ATP5F1B: variants seen among roughly 807,000 people sequenced by gnomAD.
ATP5F1B encodes the protein ATP synthase F1 subunit beta.
ATP5F1B carries 17 observed loss-of-function variants against 45.9 expected under a neutral mutation model. That is an observed-to-expected ratio of 0.37 (90% CI 0.25 to 0.56). The LOEUF is 0.56. ATP5F1B is among the 20% of genes least tolerant of loss of function. ATP5F1B has a pLI of 0.80. For synonymous variants in ATP5F1B, 218 were observed against 256.5 expected (o/e 0.85, Z 1.43); for missense variants, 387 against 673.2 (o/e 0.57, Z 4.70).
Position 56,640,041 on chromosome 12 carries a change from T to A in ATP5F1B, c.1226A>T (p.Asp409Val), listed in dbSNP as rs781006746. Residue 409 changes from aspartate (D) to valine (V), a missense_variant, in exon 8 of 10, where the codon GAT becomes GTT. This residue lies in a region of ATP5F1B where 154 missense variants were observed against 361.4 expected (regional missense o/e 0.43). Transcript: ENST00000262030. ...DPLDSTSRIMDPNIVGSEHYD... is the reference protein window; with the variant it reads ...DPLDSTSRIMVPNIVGSEHYD... ...ATGCTCACTGCCAACAATGTTGGGA[T>A]CCATGATACGAGAGGTGGAGTCTAG... is the stretch of plus-strand genomic sequence containing the variant. 1 of 1,614,006 alleles carries A rather than the reference T, an allele frequency of 6.2e-7. No individual in the cohort carries two copies. The highest frequency in any genetic ancestry group is 8.5e-7 in the Non-Finnish European group (1 of 1,180,010).
chr12:56,639,567 A>AT lies in ATP5F1B; in HGVS notation c.1288-261dup. The AT allele has an allele frequency of 1.8e-5, 9 of 495,734 alleles. No individual in the cohort carries two copies. In the South Asian group the frequency reaches 1.9e-4, roughly 11 times the overall value. 30.7% of individuals were successfully genotyped at this position (495,734 alleles called of 1,614,324 possible). A position where few individuals can be genotyped will look rare whatever the true frequency, so the allele number is the denominator to read the frequency against. ...GGTGGGTGGATCATGAGGTCAGGAG[A>AT]TCGAGACCAGCCTGACCAACTGATG... On this transcript the variant is annotated intron_variant, in intron 8 of 9. Coordinates refer to ENST00000262030, the MANE Select transcript of ATP5F1B (RefSeq NM_001686.4).
chr12:56,640,679 A>T (rs1249031994), intron 7 of ATP5F1B, among the ~76,000 whole-genome samples: 1 of 152,188 alleles, frequency 6.6e-6, no homozygotes, highest in East Asian at 1.9e-4. Context: ...ATGATGGAAG[A>T]ATTTTTAGTA....
In ATP5F1B at chr12:56,644,824, T is replaced by G. The variant is rs1592224255; in HGVS notation, c.442A>C (p.Ile148Leu). ...PETLGRIMNV[I>L]GEPIDERGPI... ...CCTCTTTCATCAATAGGTTCTCCAA[T>G]GACATTCATGATTCTGCCCAAAGTC... The change falls in exon 3 of 10, where the codon ATT (isoleucine) becomes CTT (leucine). Residue 148 changes from isoleucine to leucine, a missense_variant. By Grantham distance (5) the Ile-to-Leu change is conservative. Coordinates refer to ENST00000262030, the MANE Select transcript of ATP5F1B (RefSeq NM_001686.4). 6.2e-7 allele frequency: 1 copy of G among 1,614,200 alleles called. No homozygotes were observed. Among genetic ancestry groups the G allele is most frequent in the East Asian group, 2.2e-5 (1 of 44,888 alleles).
chr12:56,639,940 TGAC>T (rs1254089579), intron 8 of ATP5F1B, 37 bp downstream of exon 8: 1 of 1,607,256 alleles, frequency 6.2e-7, no homozygotes, highest in African/African-American at 1.3e-5. Context: ...GCCCTCTTTT[TGAC>T]TTTCCGGACA....
At chr12:56,642,429 C>T in intron 7 of ATP5F1B, 29 bp downstream of exon 7, 1 of 1,612,456 alleles carries the variant, frequency 6.2e-7, no homozygotes, top group Non-Finnish European at 8.5e-7. Flanking sequence ...TTATACAAAT[C>T]AGATCTTCAT....
intron 1 of ATP5F1B, 26 bp downstream of exon 1, chr12:56,645,811 G>C: frequency 1.9e-6 from 3 of 1,603,328 alleles, no homozygotes; most frequent in Middle Eastern, 1.7e-4. Flanking sequence ...AAAATGGAAC[G>C]TTAGCTCCTA....
At position 56,645,943 on chromosome 12, in the gene ATP5F1B, C is replaced by A; in HGVS notation, c.21G>T (p.Arg7=). 6.2e-7 allele frequency: 1 copy of A among 1,605,190 alleles called. No homozygotes were observed. Among genetic ancestry groups the A allele is most frequent in the Non-Finnish European group, 8.5e-7 (1 of 1,176,632 alleles). Residue 7 remains arginine (R), a synonymous_variant, in exon 1 of 10, where the codon CGG becomes CGT. Transcript: ENST00000262030. ...CCCCGGAGGCCGGAGCAGCGGCCAC[C>A]CGACCCACAAACCCCAACATGGCGT... The part of the protein sequence containing the change: MLGFVG[R]VAAAPASGAL...
chr12:56,641,703 A>G (rs978023589), intron 7 of ATP5F1B, among the ~76,000 whole-genome samples: 1 of 151,980 alleles, frequency 6.6e-6, no homozygotes, highest in Non-Finnish European at 1.5e-5. Context: ...GACAGGTGCC[A>G]CCACGCCCAG....
At position 56,645,183 on chromosome 12, in the gene ATP5F1B, C is replaced by T; in HGVS notation, c.298G>A (p.Ala100Thr). ...AAACTCTACTTACCCAAATGCTGGG[C>T]CACCTCCAAAACCAGTCTGGTCTCC... ...GRETRLVLEVAQHLGESTVRT... is the reference protein window; with the variant it reads ...GRETRLVLEVTQHLGESTVRT... The change falls in exon 2 of 10, where the codon GCC (alanine) becomes ACC (threonine). Residue 100 changes from alanine (A) to threonine (T), a missense_variant. By Grantham distance (58) the Ala-to-Thr change is moderately conservative. Transcript: ENST00000262030. 6.2e-7 allele frequency: 1 copy of T among 1,614,060 alleles called. No homozygotes were observed.
intron 4 of ATP5F1B, 104 bp downstream of exon 4, chr12:56,643,733 A>G: frequency 6.3e-7 from 1 of 1,578,108 alleles, no homozygotes; most frequent in Non-Finnish European, 8.7e-7. Context: ...GAAAGTCAGA[A>G]CGTACTCATC....
At chr12:56,641,234 G>C (rs118059630) in intron 7 of ATP5F1B, among the ~76,000 whole-genome samples, 2 of 151,176 alleles carry the variant, frequency 1.3e-5, no homozygotes, top group Non-Finnish European at 2.9e-5. Flanking sequence ...GCCTGGTGTC[G>C]GGCACCTATA....
At position 56,643,977 on chromosome 12, in the gene ATP5F1B, G is replaced by A. The variant is rs1223382027; in HGVS notation, c.486-19C>T. 1 of 1,611,696 alleles carries A rather than the reference G, an allele frequency of 6.2e-7. No homozygotes were observed. The highest frequency in any genetic ancestry group is 1.7e-5 in the Admixed American group (1 of 59,384). On this transcript the variant is annotated intron_variant, in intron 3 of 9. Transcript: ENST00000262030. The stretch of plus-strand genomic sequence containing the variant: ...AGCAAATCTGTAAAGGTAGAAGAGA[G>A]GATAGTATCTATTCACCTTGTTGAA...
chr12:56,644,141 A>G (rs778410731), intron 3 of ATP5F1B, among the ~76,000 whole-genome samples, 183 bp from the exon 4 acceptor site: 14 of 152,220 alleles, frequency 9.2e-5, no homozygotes, highest in Non-Finnish European at 1.3e-4. Flanking sequence ...TTTCTGCAAT[A>G]AAGAAAATTA....
chr12:56,640,209 T>G lies in ATP5F1B; in HGVS notation c.1075-17A>C. 1 of 1,604,246 alleles carries G rather than the reference T, an allele frequency of 6.2e-7. No individual in the cohort carries two copies. Among genetic ancestry groups the G allele is most frequent in the Non-Finnish European group, 8.5e-7 (1 of 1,175,418 alleles). On this transcript the variant is annotated splice_polypyrimidine_tract_variant and intron_variant, in intron 7 of 9. Coordinates refer to ENST00000262030, the MANE Select transcript of ATP5F1B (RefSeq NM_001686.4). Reference sequence around the variant, plus strand: ...ATAGATAGCCTAAAGTGAGATCCCATGAAGAACAGGAACCAAAGTAAATTT... The same window carrying G: ...ATAGATAGCCTAAAGTGAGATCCCAGGAAGAACAGGAACCAAAGTAAATTT...
rs1951499639 is a variant in ATP5F1B, at chr12:56,639,967, G to A, written c.1287+13C>T. On this transcript the variant is annotated intron_variant, in intron 8 of 9. Transcript: ENST00000262030. ...ACTTTCCGGACACTGATCCCACATA[G>A]TAATATACTCACCTGCAGGATCTTT... The A allele has an allele frequency of 1.2e-6, 2 of 1,613,152 alleles. No homozygotes were observed. The highest frequency in any genetic ancestry group is 1.7e-6 in the Non-Finnish European group (2 of 1,179,384).
chr12:56,645,933 C>G lies in ATP5F1B; in HGVS notation c.31G>C (p.Ala11Pro), dbSNP rs563393027. The G allele has an allele frequency of 1.2e-6, 2 of 1,606,164 alleles. No homozygotes were observed. Among genetic ancestry groups the G allele is most frequent in the African/African-American group, 2.7e-5 (2 of 74,982 alleles). MLGFVGRVAA[A>P]PASGALRRLT... ...CTCCGCAAGGCCCCGGAGGCCGGAG[C>G]AGCGGCCACCCGACCCACAAACCCC... The change falls in exon 1 of 10, where the codon GCT (alanine) becomes CCT (proline). Residue 11 changes from alanine to proline, a missense_variant. By Grantham distance (27) the Ala-to-Pro change is conservative. Around this residue, in one of 6 missense-constraint regions of ATP5F1B, gnomAD observed 76 missense variants for 62.0 expected, o/e 1.23. Coordinates refer to ENST00000262030, the MANE Select transcript of ATP5F1B (RefSeq NM_001686.4).
intron 9 of ATP5F1B, 79 bp downstream of exon 9, chr12:56,639,027 T>G (rs1951492688): frequency 1.4e-5 from 18 of 1,317,296 alleles, no homozygotes; most frequent in Non-Finnish European, 2.0e-5. Context: ...AAGCATAGTA[T>G]ATTACATATA....
In ATP5F1B at chr12:56,639,312, G is replaced by C; in HGVS notation, c.1288-5C>G. The stretch of plus-strand genomic sequence containing the variant: ...ATCCTGGAGGGATTTGTAGTCCTAT[G>C]AGAAAAAAGAAGACTGAGTTAAGTA... On this transcript the variant is annotated splice_polypyrimidine_tract_variant and splice_region_variant and intron_variant, in intron 8 of 9. Coordinates refer to ENST00000262030, the MANE Select transcript of ATP5F1B (RefSeq NM_001686.4). 1 of 1,611,246 alleles carries C rather than the reference G, an allele frequency of 6.2e-7. No homozygotes were observed. The highest frequency in any genetic ancestry group is 8.5e-7 in the Non-Finnish European group (1 of 1,178,482).
intron 5 of ATP5F1B, 168 bp downstream of exon 5, chr12:56,643,235 G>A: frequency 1.8e-6 from 1 of 552,326 alleles, no homozygotes; most frequent in Non-Finnish European, 3.0e-6. Flanking sequence ...AAGTTGGGGG[G>A]GAAAACACTA....
Sources: gnomAD v4.1 joint callset for allele counts (sites outside exome capture counted in the v4.1 genomes callset) on GRCh38, gnomAD v4.1.1 for gene constraint, gnomAD v4.1.1 regional missense constraint, MANE v1.5 for transcripts, NCBI Gene and HGNC (gene_info 2026-07-23, HGNC 2026-07-21) for gene names.